RASSF5: variants seen among roughly 807,000 people sequenced by gnomAD.
RASSF5 encodes the protein Ras association domain family member 5.
A neutral mutation model predicts 40.5 loss-of-function variants in RASSF5; 25 were observed. The ratio of observed to expected loss-of-function variants is 0.62; its 90% CI spans 0.45 to 0.86. The LOEUF (loss-of-function observed/expected upper bound fraction) is 0.86. Ranked by LOEUF, RASSF5 falls within the 40% of genes least tolerant of loss-of-function variation. The pLI is 0.00. For synonymous variants in RASSF5, 246 were observed against 252.4 expected, an observed-to-expected ratio of 0.97 and a Z score of 0.24; for missense variants, 521 against 572.8, an observed-to-expected ratio of 0.91 and a Z score of 0.92.
intron 2 of RASSF5, among the ~76,000 whole-genome samples, chr1:206,556,082 C>G (rs1667976610): frequency 6.6e-6 from 1 of 152,234 alleles, no homozygotes; most frequent in Non-Finnish European, 1.5e-5. Flanking sequence ...AGCCATCAGA[C>G]TCCATGAACA....
intron 2 of RASSF5, chr1:206,544,139 G>C (rs533073520): frequency 6.6e-6 from 1 of 152,322 alleles, no homozygotes; most frequent in South Asian, 2.1e-4. Context: ...TTCTAATCCA[G>C]ATTGTGTAGA....
chr1:206,508,984 C>T (rs1553394281), intron 1 of RASSF5, among the ~76,000 whole-genome samples: 1 of 152,126 alleles, frequency 6.6e-6, no homozygotes, highest in African/African-American at 2.4e-5. Context: ...CACCCTCCAC[C>T]CCCACCCCGG....
intron 2 of RASSF5, among the ~76,000 whole-genome samples, chr1:206,573,303 T>C (rs1553404564): frequency 2.0e-5 from 3 of 152,184 alleles, no homozygotes; most frequent in African/African-American, 7.2e-5. Context: ...CCCAAATTTA[T>C]AGATGAAGAA....
rs534641320 is a variant in RASSF5, at chr1:206,557,124, C to T, written c.579+18831C>T. 1.7e-4 allele frequency: 167 copies of T among 990,442 alleles called. 2 individuals carry two copies. The highest frequency in any genetic ancestry group is 9.7e-4 in the African/African-American group (56 of 57,454). 61.4% of individuals were successfully genotyped at this position (990,442 alleles called of 1,614,324 possible). On this transcript the variant is annotated intron_variant, in intron 2 of 5. Transcript: ENST00000579436. ...AGGCGGGGGAGGGGCGCAGTGACAG[C>T]CGAGCCGGCTTTGAGGAACCTTGCA... is the stretch of plus-strand genomic sequence containing the variant.
At chr1:206,527,280 A>G (rs1018139414) in intron 1 of RASSF5, among the ~76,000 whole-genome samples, 6 of 152,096 alleles carry the variant, frequency 3.9e-5, no homozygotes, top group South Asian at 2.1e-4. Context: ...TCTGGTGCCA[A>G]TCTCTGAGGT....
intron 2 of RASSF5, among the ~76,000 whole-genome samples, chr1:206,545,879 T>TA (rs1667670444): frequency 6.6e-6 from 1 of 151,858 alleles, no homozygotes; most frequent in Non-Finnish European, 1.5e-5. Flanking sequence ...TGTTTTTTTT[T>TA]AAACCAATCT....
At chr1:206,542,502 C>G (rs1193029560) in intron 2 of RASSF5, 2 of 152,206 alleles carry the variant, frequency 1.3e-5, no homozygotes, top group African/African-American at 4.8e-5. Context: ...AACCCCAAGC[C>G]AAATAAACCT....
At chr1:206,586,658 G>A in intron 5 of RASSF5, 168 bp from the exon 6 acceptor site, 1 of 627,828 alleles carries the variant, frequency 1.6e-6, no homozygotes. Flanking sequence ...TGCTATGACA[G>A]GCATGCAAAG....
In RASSF5 at chr1:206,507,865, A is replaced by T. The variant is rs781788863; in HGVS notation, c.263A>T (p.Gln88Leu). 6 of 1,488,322 alleles carry T rather than the reference A, an allele frequency of 4.0e-6. No individual in the cohort carries two copies. In the African/African-American group the frequency reaches 8.7e-5, roughly 22 times the overall value. 92.2% of individuals were successfully genotyped at this position (1,488,322 alleles called of 1,614,324 possible). A position where few individuals can be genotyped will look rare whatever the true frequency, so the allele number is the denominator to read the frequency against. Residue 88 changes from glutamine (Q) to leucine (L), a missense_variant, in exon 1 of 6, where the codon CAG (glutamine) becomes CTG (leucine). This residue lies in a region of RASSF5 where 237 missense variants were observed against 212.0 expected (regional missense o/e 1.12). Transcript: ENST00000579436. ...GCTCGCCCGCTCCGGCCTGGTCTGC[A>T]GCAGAGACTGCGGCGGCGGCCTGGA... ...RPARPLRPGL[Q>L]QRLRRRPGAP...
chr1:206,568,935 C>A (rs7555149), intron 2 of RASSF5, among the ~76,000 whole-genome samples: 41 of 152,150 alleles, frequency 2.7e-4, no homozygotes, highest in African/African-American at 9.6e-4. Context: ...AAGAGTGTGC[C>A]GTGACTCTAT....
intron 1 of RASSF5, among the ~76,000 whole-genome samples, chr1:206,512,789 C>T (rs782483318): frequency 2.8e-4 from 43 of 152,176 alleles, no homozygotes; most frequent in Non-Finnish European, 4.9e-4. Context: ...GGGAAGCTGC[C>T]GCAAGGCCGA....
At chr1:206,554,054 A>G (rs78519760) in intron 2 of RASSF5, among the ~76,000 whole-genome samples, 2,296 of 152,330 alleles carry the variant, frequency 0.015, 59 homozygotes, top group African/African-American at 0.052. Context: ...ATTATGAACA[A>G]ATTATTAGTA....
At chr1:206,529,808 C>G (rs570884690) in intron 1 of RASSF5, 112 of 395,954 alleles carry the variant, frequency 2.8e-4, no homozygotes, top group South Asian at 1.6e-3. Flanking sequence ...GCCTGTAATC[C>G]CAGCTACTCA....
intron 1 of RASSF5, chr1:206,529,292 C>A: frequency 2.4e-6 from 2 of 837,430 alleles, no homozygotes; most frequent in East Asian, 5.0e-5. Flanking sequence ...GGGACGTCCC[C>A]ACTAAGAGAC....
chr1:206,568,177 C>T (rs1485216413), intron 2 of RASSF5, among the ~76,000 whole-genome samples: 1 of 152,212 alleles, frequency 6.6e-6, no homozygotes, highest in Non-Finnish European at 1.5e-5. Context: ...GTCCCTGCCC[C>T]TGGGCCTTTA....
At chr1:206,508,343 C>T (rs1271265145) in intron 1 of RASSF5, among the ~76,000 whole-genome samples, 1 of 151,902 alleles carries the variant, frequency 6.6e-6, no homozygotes. Context: ...CACACACACA[C>T]ACACACACAC....
chr1:206,546,766 C>T (rs1244095771), intron 2 of RASSF5, among the ~76,000 whole-genome samples: 3 of 152,216 alleles, frequency 2.0e-5, no homozygotes, highest in Admixed American at 6.5e-5. Flanking sequence ...AATCATCTAA[C>T]ACCAAACCTA....
chr1:206,580,772 G>T (rs1441657821), intron 2 of RASSF5: 2 of 152,352 alleles, frequency 1.3e-5, no homozygotes, highest in East Asian at 3.9e-4. Context: ...CAGAGACCTG[G>T]GAAGGCACAC....
chr1:206,507,720 C>G lies in RASSF5; in HGVS notation c.118C>G (p.Arg40Gly), dbSNP rs934881220. ...CGAGCTACCGCCGCCGCCCCCCGACCGGTCCTCGCGCCTCTGTGTCCCGGC... is the reference window on the plus strand; with the variant it reads ...CGAGCTACCGCCGCCGCCCCCCGACGGGTCCTCGCGCCTCTGTGTCCCGGC... ...GPELPPPPPD[R>G]SSRLCVPAPL... The change falls in exon 1 of 6, where the codon CGG (arginine) becomes GGG (glycine). Residue 40 changes from arginine to glycine, a missense_variant. Arg to Gly is a moderately radical substitution (Grantham distance 125). Around this residue, in one of 2 missense-constraint regions of RASSF5, gnomAD observed 237 missense variants for 212.0 expected, o/e 1.12. Transcript: ENST00000579436. The G allele has an allele frequency of 1.5e-5, 23 of 1,483,996 alleles. No homozygotes were observed. The highest frequency in any genetic ancestry group is 1.7e-5 in the Non-Finnish European group (19 of 1,124,134). 91.9% of individuals were successfully genotyped at this position (1,483,996 alleles called of 1,614,324 possible).
Sources: gnomAD v4.1 joint callset for allele counts (sites outside exome capture counted in the v4.1 genomes callset) on GRCh38, gnomAD v4.1.1 for gene constraint, gnomAD v4.1.1 regional missense constraint, MANE v1.5 for transcripts, NCBI Gene and HGNC (gene_info 2026-07-23, HGNC 2026-07-21) for gene names.